Variants in ADAMTS14 observed in about 807,000 individuals in gnomAD.
ADAMTS14 encodes the protein A disintegrin and metalloproteinase with thrombospondin motifs 14.
Under a neutral mutation model 128.6 loss-of-function variants are expected in ADAMTS14, and 100 were observed. The observed-to-expected ratio is 0.78, with a 90% CI of 0.66 to 0.92. ADAMTS14 has a LOEUF of 0.92. Ranked by LOEUF, ADAMTS14 falls within the 40% of genes least tolerant of loss-of-function variation. The pLI, the probability that ADAMTS14 is intolerant of heterozygous loss-of-function variation, is 0.00. For synonymous variants in ADAMTS14, 665 were observed against 653.8 expected (o/e 1.02, Z -0.26); for missense variants, 1,562 against 1,658.6 (o/e 0.94, Z 1.01).
At chr10:70,702,169 C>T (rs930584071) in intron 2 of ADAMTS14, 143 bp from the exon 3 acceptor site, 24 of 1,241,150 alleles carry the variant, frequency 1.9e-5, no homozygotes, top group South Asian at 2.9e-5. Flanking sequence ...CCTGGAATCC[C>T]AGGGCTCCTC....
chr10:70,729,434 T>G (rs1841557170), intron 5 of ADAMTS14, 57 bp downstream of exon 5: 2 of 1,432,396 alleles, frequency 1.4e-6, no homozygotes, highest in East Asian at 4.6e-5. Context: ...GGGGCCAGAG[T>G]GTTGGACCAG....
rs372135285 is a variant in ADAMTS14, at chr10:70,689,407, C to G, written c.523-12905C>G. ...ATAGAGCACCTGCCAAGAGCCACCA[C>G]CACAGAGCACAAAGGAGGGAGCAGT... On this transcript the variant is annotated intron_variant, in intron 2 of 21. Coordinates refer to ENST00000373207, the MANE Select transcript of ADAMTS14 (RefSeq NM_080722.4). Among the ~76,000 whole-genome samples the G allele has an allele frequency of 4.2e-4, 61 of 145,106 alleles. 3 individuals are homozygous for G. Among genetic ancestry groups the G allele is most frequent in the African/African-American group, 1.4e-3 (59 of 41,054 alleles).
chr10:70,702,527 G>T, intron 3 of ADAMTS14, 59 bp downstream of exon 3: 1 of 1,539,544 alleles, frequency 6.5e-7, no homozygotes, highest in Non-Finnish European at 8.7e-7. Context: ...AGTGTTTCCC[G>T]GTCACTTCTG....
intron 18 of ADAMTS14, 142 bp from the exon 19 acceptor site, chr10:70,753,658 G>A: frequency 1.2e-6 from 1 of 824,750 alleles, no homozygotes; most frequent in Non-Finnish European, 1.9e-6. Context: ...AGAGCCAGGT[G>A]GACAGTTGTC....
At chr10:70,694,693 A>T (rs35253454) in intron 2 of ADAMTS14, among the ~76,000 whole-genome samples, 70,632 of 152,104 alleles carry the variant, frequency 0.46, 18,884 homozygotes, top group Non-Finnish European at 0.61. Context: ...TTCATCCATC[A>T]TGTAGCATTT....
chr10:70,711,528 A>G (rs1222435868), intron 4 of ADAMTS14, among the ~76,000 whole-genome samples: 1 of 152,210 alleles, frequency 6.6e-6, no homozygotes, highest in Non-Finnish European at 1.5e-5. Flanking sequence ...CTGCTTTTTC[A>G]TGATAGTGTC....
chr10:70,744,651 C>G (rs555387282), intron 14 of ADAMTS14, among the ~76,000 whole-genome samples: 1 of 152,264 alleles, frequency 6.6e-6, no homozygotes, highest in African/African-American at 2.4e-5. Flanking sequence ...TCCAATCTGA[C>G]CAGACTTGCT....
At chr10:70,730,347 A>G in intron 6 of ADAMTS14, 98 bp downstream of exon 6, 1 of 1,461,898 alleles carries the variant, frequency 6.8e-7, no homozygotes, top group Non-Finnish European at 9.1e-7. Context: ...TCTGGGGCCC[A>G]CCACATGGAG....
chr10:70,708,050 A>G (rs1017889925), intron 3 of ADAMTS14, among the ~76,000 whole-genome samples: 1 of 152,242 alleles, frequency 6.6e-6, no homozygotes, highest in Non-Finnish European at 1.5e-5. Flanking sequence ...AGGGCAGAGC[A>G]GCGATGGTGA....
chr10:70,745,487 T>C (rs7923892), intron 15 of ADAMTS14, 181 bp downstream of exon 15: 176,175 of 701,678 alleles, frequency 0.25, 24,019 homozygotes, highest in Non-Finnish European at 0.3. Flanking sequence ...ACCCATTCCA[T>C]GGTTTACATT....
chr10:70,714,563 GAA>G (rs1406795185), intron 4 of ADAMTS14, among the ~76,000 whole-genome samples: 3 of 152,208 alleles, frequency 2.0e-5, no homozygotes. Context: ...GAGTTAAACT[GAA>G]AGAGATGGAC....
intron 11 of ADAMTS14, among the ~76,000 whole-genome samples, chr10:70,739,365 C>A (rs542817060): frequency 6.6e-6 from 1 of 152,216 alleles, no homozygotes; most frequent in African/African-American, 2.4e-5. Context: ...AATTTCCTAA[C>A]TTTGTTTTCT....
At chr10:70,672,923 G>A in intron 1 of ADAMTS14, 39 bp downstream of exon 1, 1 of 1,413,804 alleles carries the variant, frequency 7.1e-7, no homozygotes, top group Non-Finnish European at 9.1e-7. Context: ...CGTGGGGTCC[G>A]GGGTGCACGC....
Position 70,745,211 on chromosome 10 carries a change from C to G in ADAMTS14, c.2183-15C>G, listed in dbSNP as rs755903222. The stretch of plus-strand genomic sequence containing the variant: ...CTTAGGATGCTCACGACTTCTGGAT[C>G]CCTGTGTGTGGCAGGAGCTCTCAAG... On this transcript the variant is annotated splice_polypyrimidine_tract_variant and intron_variant, in intron 14 of 21. Transcript: ENST00000373207. 1 of 1,608,520 alleles carries G rather than the reference C, an allele frequency of 6.2e-7. No homozygotes were observed. Among genetic ancestry groups the G allele is most frequent in the South Asian group, 1.1e-5 (1 of 90,816 alleles).
In ADAMTS14 at chr10:70,758,264, C is replaced by T; in HGVS notation, c.3157C>T (p.Pro1053Ser). 1 of 1,614,194 alleles carries T rather than the reference C, an allele frequency of 6.2e-7. No homozygotes were observed. The highest frequency in any genetic ancestry group is 2.2e-5 in the East Asian group (1 of 44,884). Reference sequence around the variant, plus strand: ...GGTGCCACAATCTGAACCCCTACATCCCATTAACAAGATATCATCAAGTAA... The same window carrying T: ...GGTGCCACAATCTGAACCCCTACATTCCATTAACAAGATATCATCAAGTAA... The part of the protein sequence containing the change: ...QWVPQSEPLH[P>S]INKISSTEPC... Residue 1053 changes from proline to serine, a missense_variant, in exon 21 of 22, where the codon CCC becomes TCC. Physicochemically the swap from Pro to Ser is moderately conservative, Grantham distance 74. Transcript: ENST00000373207.
intron 4 of ADAMTS14, among the ~76,000 whole-genome samples, chr10:70,711,681 G>T (rs948236440): frequency 3.9e-5 from 6 of 152,220 alleles, no homozygotes; most frequent in African/African-American, 1.2e-4. Context: ...GCCTGAGTTT[G>T]GGAAAGTGAG....
chr10:70,698,563 T>C (rs1840401054), intron 2 of ADAMTS14, among the ~76,000 whole-genome samples: 1 of 151,882 alleles, frequency 6.6e-6, no homozygotes, highest in South Asian at 2.1e-4. Context: ...AGGAGGAGAG[T>C]CTCTGCGGCC....
At chr10:70,743,859 G>A (rs1435118179) in intron 13 of ADAMTS14, among the ~76,000 whole-genome samples, 178 bp downstream of exon 13, 4 of 152,216 alleles carry the variant, frequency 2.6e-5, no homozygotes, top group African/African-American at 9.6e-5. Context: ...CCCCATTGGA[G>A]GGGAGAGGAG....
intron 10 of ADAMTS14, 63 bp from the exon 11 acceptor site, chr10:70,738,779 G>C: frequency 6.2e-7 from 1 of 1,605,614 alleles, no homozygotes; most frequent in Non-Finnish European, 8.5e-7. Context: ...CCTTTTTCTG[G>C]CTCCCCGGGT....
Sources: gnomAD v4.1 joint callset for allele counts (sites outside exome capture counted in the v4.1 genomes callset) on GRCh38, gnomAD v4.1.1 for gene constraint, MANE v1.5 for transcripts, NCBI Gene and HGNC (gene_info 2026-07-23, HGNC 2026-07-21) for gene names.